FMN2: variants seen among roughly 807,000 people sequenced by gnomAD.
FMN2 encodes formin-2.
A neutral mutation model predicts 142.3 loss-of-function variants in FMN2; 51 were observed. The ratio of observed to expected loss-of-function variants is 0.36; its 90% confidence interval spans 0.29 to 0.45. FMN2 has a LOEUF of 0.45. Ranked by LOEUF, FMN2 falls within the 20% of genes least tolerant of loss-of-function variation. The pLI, the probability that FMN2 is intolerant of heterozygous loss-of-function variation, is 1.00. For synonymous variants in FMN2, 882 were observed against 869.8 expected, an observed-to-expected ratio of 1.01 and a Z score of -0.25; for missense variants, 1,936 against 2,122.8, an observed-to-expected ratio of 0.91 and a Z score of 1.73.
chr1:240,326,077 A>G (rs1671161631), intron 8 of FMN2, among the ~76,000 whole-genome samples: 1 of 152,220 alleles, frequency 6.6e-6, no homozygotes, highest in Admixed American at 6.5e-5. Context: ...TGCCCAGTCC[A>G]TAAATAGCAA....
At chr1:240,396,303 CG>C (rs1303940407) in intron 15 of FMN2, among the ~76,000 whole-genome samples, 17,498 of 142,704 alleles carry the variant, frequency 0.12, 1,153 homozygotes, top group Admixed American at 0.17. Flanking sequence ...CCGAGGTTTT[CG>C]TGTGTGTGTG....
At chr1:240,122,358 G>C (rs1216753619) in intron 1 of FMN2, among the ~76,000 whole-genome samples, 2 of 151,938 alleles carry the variant, frequency 1.3e-5, no homozygotes, top group African/African-American at 2.4e-5. Flanking sequence ...CCGCCACCCA[G>C]CTTCAAGCTC....
chr1:240,368,611 G>A (rs547663778), intron 14 of FMN2, among the ~76,000 whole-genome samples: 6 of 152,128 alleles, frequency 3.9e-5, no homozygotes, highest in South Asian at 2.1e-4. Context: ...ATATCACTGC[G>A]AATAATGACA....
chr1:240,213,298 G>A (rs1299831688), intron 6 of FMN2, among the ~76,000 whole-genome samples: 1 of 151,956 alleles, frequency 6.6e-6, no homozygotes, highest in Admixed American at 6.6e-5. Flanking sequence ...CTTCAAACAG[G>A]GTTTATGGGA....
intron 14 of FMN2, among the ~76,000 whole-genome samples, chr1:240,377,275 A>G (rs1007289921): frequency 1.3e-5 from 2 of 150,964 alleles, no homozygotes; most frequent in African/African-American, 4.9e-5. Context: ...CATTTTTGAG[A>G]GATATTCTTA....
rs1289274097 is a variant in FMN2 at position 240,207,319 on chromosome 1, A to G, written c.2507A>G (p.Glu836Gly). Residue 836 changes from glutamate (E) to glycine (G), a missense_variant, in exon 5 of 18, where the codon GAG becomes GGG. By Grantham distance (98) the Glu-to-Gly change is moderately conservative. Transcript: ENST00000319653. ...GSQPPHSIST[E>G]FQTSHEHSVS... is the part of the protein sequence containing the mutation. ...CAGCCGCCCCATTCTATTTCTACCG[A>G]GTTTCAAACCAGCCACGAACACTCT... The G allele has an allele frequency of 1.2e-6, 2 of 1,613,686 alleles. No homozygotes were observed. Among genetic ancestry groups the G allele is most frequent in the South Asian group, 1.1e-5 (1 of 91,058 alleles).
Position 240,093,313 on chromosome 1 carries a change from G to T in FMN2, c.1204G>T (p.Ala402Ser), listed in dbSNP as rs764547322. Reference protein sequence around the residue: ...PAAASLPGSPAPSQRCFKPYP... With the variant: ...PAAASLPGSPSPSQRCFKPYP... Reference sequence around the variant, plus strand: ...GGCCGCTTCCCTGCCCGGCAGCCCCGCGCCTAGCCAGCGCTGTTTCAAGCC... The same window carrying T: ...GGCCGCTTCCCTGCCCGGCAGCCCCTCGCCTAGCCAGCGCTGTTTCAAGCC... Residue 402 changes from alanine to serine, a missense_variant, in exon 1 of 18, where the codon GCG (alanine) becomes TCG (serine). Around this residue, in one of 8 missense-constraint regions of FMN2, gnomAD observed 751 missense variants for 791.8 expected, o/e 0.95. Coordinates refer to ENST00000319653, the MANE Select transcript of FMN2 (RefSeq NM_020066.5). 2.5e-6 allele frequency: 4 copies of T among 1,608,760 alleles called. No homozygotes were observed. In the African/African-American group the frequency reaches 5.4e-5, roughly 22 times the overall value.
At position 240,445,727 on chromosome 1, in the gene FMN2, A is replaced by G. The variant is rs1430863265; in HGVS notation, c.5060+7517A>G. Among the ~76,000 whole-genome samples, 3 of 145,560 alleles carry G rather than the reference A, an allele frequency of 2.1e-5. No homozygotes were observed. The East Asian group carries it at 6.1e-4, about 30-fold the overall frequency. On this transcript the variant is annotated intron_variant, in intron 16 of 17. Transcript: ENST00000319653. ...GTTTTTTTTTTTTTTCTGGAGAGAA[A>G]ATAACCTTATATGATACATGTAATG...
intron 8 of FMN2, among the ~76,000 whole-genome samples, chr1:240,328,852 A>G (rs1671284926): frequency 6.6e-6 from 1 of 152,148 alleles, no homozygotes; most frequent in Non-Finnish European, 1.5e-5. Context: ...TGGCCTCCCA[A>G]AGTGCTGGGA....
At chr1:240,118,430 G>T (rs1662107707) in intron 1 of FMN2, among the ~76,000 whole-genome samples, 1 of 152,140 alleles carries the variant, frequency 6.6e-6, no homozygotes, top group African/African-American at 2.4e-5. Context: ...CTGGGAACAG[G>T]ATAGTGTGCA....
At chr1:240,469,247 C>A (rs980595288) in intron 16 of FMN2, among the ~76,000 whole-genome samples, 1 of 152,078 alleles carries the variant, frequency 6.6e-6, no homozygotes, top group Admixed American at 6.5e-5. Flanking sequence ...CTGAAAGCAT[C>A]CTAGAGTGAC....
chr1:240,239,040 T>C (rs558332509), intron 6 of FMN2, among the ~76,000 whole-genome samples: 2 of 152,334 alleles, frequency 1.3e-5, no homozygotes, highest in Admixed American at 6.5e-5. Flanking sequence ...ATCTGAGTGA[T>C]AGTTACAATG....
At chr1:240,369,109 G>A (rs374101380) in intron 14 of FMN2, among the ~76,000 whole-genome samples, 2 of 152,130 alleles carry the variant, frequency 1.3e-5, no homozygotes, top group Middle Eastern at 3.4e-3. Context: ...ACATAGCTGC[G>A]ATTTTGTACA....
Position 240,420,784 on chromosome 1 carries a change from G to A in FMN2, c.4911-17277G>A, listed in dbSNP as rs1344248367. On this transcript the variant is annotated intron_variant, in intron 15 of 17. Coordinates refer to ENST00000319653, the MANE Select transcript of FMN2 (RefSeq NM_020066.5). ...CCCCACATTCCCACACAGGACAGGG[G>A]GCCGGTAAGAGAACCTGTCCCAGAA... Among the ~76,000 whole-genome samples the A allele has an allele frequency of 2.0e-5, 3 of 152,168 alleles. No homozygotes were observed. In the East Asian group the frequency reaches 5.8e-4, roughly 29 times the overall value.
Position 240,141,085 on chromosome 1 carries a change from G to T in FMN2, c.1782+17740G>T, listed in dbSNP as rs184890434. ...GAGTCTAACTTTCCTCATACTATTG[G>T]TAGTTAATGGCCCTGTACATTTGTT... On this transcript the variant is annotated intron_variant, in intron 2 of 17. Transcript: ENST00000319653. Among the ~76,000 whole-genome samples, 15 of 152,162 alleles carry T rather than the reference G, an allele frequency of 9.9e-5. No homozygotes were observed. In the East Asian group the frequency reaches 1.4e-3, roughly 14 times the overall value.
At position 240,123,335 on chromosome 1, in the gene FMN2, C is replaced by T. The variant is rs1662361288; in HGVS notation, c.1772C>T (p.Ala591Val). 6.2e-7 allele frequency: 1 copy of T among 1,613,624 alleles called. No individual in the cohort carries two copies. Among genetic ancestry groups the T allele is most frequent in the East Asian group, 2.2e-5 (1 of 44,844 alleles). The change falls in exon 2 of 18, where the codon GCT becomes GTT. Residue 591 changes from alanine to valine, a missense_variant. Ala to Val is a moderately conservative substitution (Grantham distance 64). Coordinates refer to ENST00000319653, the MANE Select transcript of FMN2 (RefSeq NM_020066.5). ...PCNQNAQTNA[A>V]SFDQDQLYTW... ...AATCAGAATGCCCAGACGAATGCAG[C>T]TTCGTTTGATGTAAGTAGGAGAATT...
intron 14 of FMN2, among the ~76,000 whole-genome samples, chr1:240,388,227 C>CAAAAAAAAA (rs761610582): frequency 1.8e-3 from 11 of 6,052 alleles, no homozygotes; most frequent in African/African-American, 5.0e-3. Context: ...GTGCTCAAAG[C>CAAAAAAAAA]AAAAAAAAAA....
intron 8 of FMN2, among the ~76,000 whole-genome samples, chr1:240,324,216 T>G (rs1671073126): frequency 6.6e-6 from 1 of 152,210 alleles, no homozygotes; most frequent in Non-Finnish European, 1.5e-5. Context: ...ACATTCCAAC[T>G]GGGTAATTTT....
At chr1:240,130,667 A>G (rs1662698649) in intron 2 of FMN2, among the ~76,000 whole-genome samples, 1 of 152,208 alleles carries the variant, frequency 6.6e-6, no homozygotes, top group Non-Finnish European at 1.5e-5. Context: ...TTTAGTTTAC[A>G]TTTGGCTTAT....
Sources: gnomAD v4.1 joint callset for allele counts (sites outside exome capture counted in the v4.1 genomes callset) on GRCh38, gnomAD v4.1.1 for gene constraint, gnomAD v4.1.1 regional missense constraint, MANE v1.5 for transcripts, NCBI Gene and HGNC (gene_info 2026-07-23, HGNC 2026-07-21) for gene names.